The following KL variants were observed in gnomAD, a reference collection of about 807,000 sequenced individuals.
KL encodes the protein alpha-klotho.
In KL, 62 loss-of-function variants were observed where a neutral mutation model predicts 84.2. The ratio of observed to expected loss-of-function variants is 0.74; its 90% CI spans 0.60 to 0.91. KL has a LOEUF of 0.91. Among genes scored for constraint, KL ranks in the 40% least tolerant of loss-of-function variants. The pLI is 0.00. For synonymous variants in KL, 528 were observed against 528.0 expected (o/e 1.00, Z 0.00); for missense variants, 1,261 against 1,305.7 (o/e 0.97, Z 0.53).
At chr13:33,047,187 T>C (rs1871565777) in intron 1 of KL, among the ~76,000 whole-genome samples, 1 of 152,148 alleles carries the variant, frequency 6.6e-6, no homozygotes, top group African/African-American at 2.4e-5. Context: ...TATAGTGATG[T>C]TCAAAGCCTC....
intron 1 of KL, among the ~76,000 whole-genome samples, chr13:33,043,759 T>C (rs776886384): frequency 6.6e-6 from 1 of 152,204 alleles, no homozygotes; most frequent in Non-Finnish European, 1.5e-5. Context: ...AATTATTTTG[T>C]CAATTATATA....
Position 33,031,700 on chromosome 13 carries a change from T to C in KL, c.819+14441T>C, listed in dbSNP as rs191466750. Reference sequence around the variant, plus strand: ...TGAATTATTAAATTTCACAATAGCATAGTATTTAGAAATATGATAGTTATT... The same window carrying C: ...TGAATTATTAAATTTCACAATAGCACAGTATTTAGAAATATGATAGTTATT... On this transcript the variant is annotated intron_variant, in intron 1 of 4. Transcript: ENST00000380099. Among the ~76,000 whole-genome samples, 56 of 152,276 alleles carry C rather than the reference T, an allele frequency of 3.7e-4. 1 individual carries two copies. The East Asian group carries it at 0.01, about 28-fold the overall frequency.
rs886050130 is a variant in KL at position 33,066,136 on chromosome 13, C to A, written c.*1950C>A. The A allele has an allele frequency of 5.9e-6, 1 of 168,634 alleles. No individual in the cohort carries two copies. Among genetic ancestry groups the A allele is most frequent in the South Asian group, 2.0e-4 (1 of 4,956 alleles). 10.4% of individuals were successfully genotyped at this position (168,634 alleles called of 1,614,324 possible). A position where few individuals can be genotyped will look rare whatever the true frequency, so the allele number is the denominator to read the frequency against. ...CTGCCTGCAACTTTTTGCCTTCTTT[C>A]ATAATCATATGAGTGGTTGCTAGCT... On this transcript the variant is annotated 3_prime_UTR_variant, in exon 5 of 5. Transcript: ENST00000380099.
intron 1 of KL, among the ~76,000 whole-genome samples, chr13:33,018,372 A>G (rs1340805155): frequency 3.9e-5 from 6 of 152,242 alleles, no homozygotes; most frequent in Admixed American, 3.9e-4. Flanking sequence ...TTTTAATTAA[A>G]GCCATAGATA....
intron 1 of KL, 36 bp from the exon 2 acceptor site, chr13:33,053,731 C>G (rs553349718): frequency 6.2e-7 from 1 of 1,604,390 alleles, no homozygotes; most frequent in Admixed American, 1.7e-5. Flanking sequence ...CTCCTCACAA[C>G]TAGAGATAAA....
In KL at chr13:33,061,502, A is replaced by G; in HGVS notation, c.2423A>G (p.His808Arg). ...ACCTTTGACTTTTTGGCTTTAAGCC[A>G]TTATACCACCATCCTTGTAGACTCA... ...QGTFDFLALS[H>R]YTTILVDSEK... Residue 808 changes from histidine (H) to arginine (R), a missense_variant, in exon 4 of 5, where the codon CAT becomes CGT. Coordinates refer to ENST00000380099, the MANE Select transcript of KL (RefSeq NM_004795.4). The G allele has an allele frequency of 6.2e-7, 1 of 1,614,228 alleles. No individual in the cohort carries two copies. The highest frequency in any genetic ancestry group is 1.3e-5 in the African/African-American group (1 of 75,056).
At chr13:33,019,888 G>A (rs1870511832) in intron 1 of KL, among the ~76,000 whole-genome samples, 1 of 151,964 alleles carries the variant, frequency 6.6e-6, no homozygotes, top group Admixed American at 6.6e-5. Flanking sequence ...CTTTTCTCTC[G>A]GACTTGAAGA....
At chr13:33,026,674 C>A (rs1203640357) in intron 1 of KL, among the ~76,000 whole-genome samples, 1 of 152,178 alleles carries the variant, frequency 6.6e-6, no homozygotes, top group Non-Finnish European at 1.5e-5. Context: ...TCTGACCATC[C>A]CCGTGGGTGG....
intron 1 of KL, among the ~76,000 whole-genome samples, chr13:33,040,805 A>G (rs1489273166): frequency 6.6e-6 from 1 of 152,106 alleles, no homozygotes; most frequent in African/African-American, 2.4e-5. Flanking sequence ...TGAAAGCTAG[A>G]CTTGTGACCT....
intron 4 of KL, among the ~76,000 whole-genome samples, chr13:33,062,308 G>A (rs2138245246): frequency 6.6e-6 from 1 of 151,906 alleles, no homozygotes; most frequent in African/African-American, 2.4e-5. Flanking sequence ...TTGAGCTTGG[G>A]AGGTCCAGCT....
intron 3 of KL, among the ~76,000 whole-genome samples, chr13:33,060,191 C>T (rs1032185043): frequency 1.6e-4 from 24 of 152,146 alleles, no homozygotes; most frequent in Admixed American, 5.9e-4. Context: ...GTGACCCTCC[C>T]GCCTCGGCCT....
intron 1 of KL, among the ~76,000 whole-genome samples, chr13:33,026,665 C>T (rs1292356142): frequency 6.6e-6 from 1 of 152,218 alleles, no homozygotes; most frequent in Non-Finnish European, 1.5e-5. Flanking sequence ...ATTTCAACTT[C>T]TGACCATCCC....
chr13:33,033,159 AT>A (rs1298157332), intron 1 of KL, among the ~76,000 whole-genome samples: 1 of 152,184 alleles, frequency 6.6e-6, no homozygotes, highest in Non-Finnish European at 1.5e-5. Context: ...TTCCTTCACA[AT>A]TCTCATTTCC....
Position 33,042,057 on chromosome 13 carries a change from G to T in KL, c.820-11710G>T, listed in dbSNP as rs1343831279. Reference sequence around the variant, plus strand: ...ATGAATATGATCCCTGCAATTAAAAGCTAAATATATATATTTTTTTAACTA... The same window carrying T: ...ATGAATATGATCCCTGCAATTAAAATCTAAATATATATATTTTTTTAACTA... On this transcript the variant is annotated intron_variant, in intron 1 of 4. Transcript: ENST00000380099. 2.0e-5 allele frequency among the ~76,000 whole-genome samples: 3 copies of T among 152,126 alleles called. No homozygotes were observed. The East Asian group carries it at 5.8e-4, about 29-fold the overall frequency.
chr13:33,024,602 C>A (rs1870692927), intron 1 of KL, among the ~76,000 whole-genome samples: 1 of 152,224 alleles, frequency 6.6e-6, no homozygotes, highest in African/African-American at 2.4e-5. Flanking sequence ...GGCTGCAAAG[C>A]TGCAGGGGAG....
intron 3 of KL, among the ~76,000 whole-genome samples, chr13:33,057,977 C>T (rs899715584): frequency 5.9e-5 from 9 of 152,334 alleles, no homozygotes; most frequent in African/African-American, 2.2e-4. Context: ...TTGAGGCATG[C>T]ATTTCACCTG....
At chr13:33,054,316 C>G in intron 2 of KL, 39 bp downstream of exon 2, 1 of 1,587,992 alleles carries the variant, frequency 6.3e-7, no homozygotes, top group African/African-American at 1.3e-5. Context: ...CTGCCAAAAT[C>G]TTCTGGAAAA....
intron 3 of KL, 71 bp downstream of exon 3, chr13:33,055,386 A>G: frequency 6.3e-7 from 1 of 1,590,210 alleles, no homozygotes; most frequent in South Asian, 1.1e-5. Flanking sequence ...CTTCCTTCCT[A>G]GGCTGATTGT....
chr13:33,038,961 C>T (rs939306301), intron 1 of KL, among the ~76,000 whole-genome samples: 4 of 152,084 alleles, frequency 2.6e-5, no homozygotes, highest in Admixed American at 6.6e-5. Flanking sequence ...ACATAAAAGT[C>T]AGAAAATCAG....
Sources: gnomAD v4.1 joint callset for allele counts (sites outside exome capture counted in the v4.1 genomes callset) on GRCh38, gnomAD v4.1.1 for gene constraint, MANE v1.5 for transcripts, NCBI Gene and HGNC (gene_info 2026-07-23, HGNC 2026-07-21) for gene names.